MAGEB18: variants seen among roughly 807,000 people sequenced by gnomAD.
MAGEB18 encodes MAGE family member B18, also known as melanoma-associated antigen B18.
MAGEB18 carries 6 observed loss-of-function variants against 6.3 expected under a neutral mutation model. The observed-to-expected ratio is 0.95, with a 90% CI of 0.52 to 1.87. MAGEB18 has a LOEUF of 1.87. Ranked by LOEUF, MAGEB18 falls within the 40% of genes most tolerant of loss-of-function variation. The pLI, the probability that MAGEB18 is intolerant of heterozygous loss-of-function variation, is 0.01. For synonymous variants in MAGEB18, 93 were observed against 97.0 expected (o/e 0.96, Z 0.24); for missense variants, 228 against 265.4 (o/e 0.86, Z 0.98).
chrX:26,140,158 T>G, intron 2 of MAGEB18, 22 bp from the exon 3 acceptor site: 1 of 554,609 alleles, frequency 1.8e-6, no homozygotes, highest in East Asian at 3.7e-5. Flanking sequence ...GTTTTACTTT[T>G]CCATCTTTTT....
chrX:26,139,141 G>T lies in MAGEB18; in HGVS notation c.156G>T (p.Leu52Phe). Residue 52 changes from leucine to phenylalanine, a missense_variant, in exon 2 of 3, where the codon TTG becomes TTT. Leu to Phe is a conservative substitution (Grantham distance 22). Transcript: ENST00000325250. ...TCTTTGGTGACAGACCCCAGAATTT[G>T]CCTGCTGCTGAGACACCTAGCATCC... Reference protein sequence around the residue: ...YLLFGDRPQNLPAAETPSIPE... With the variant: ...YLLFGDRPQNFPAAETPSIPE... 1 of 1,210,912 alleles carries T rather than the reference G, an allele frequency of 8.3e-7. No individual in the cohort carries two copies. Among genetic ancestry groups the T allele is most frequent in the Non-Finnish European group, 1.1e-6 (1 of 895,392 alleles).
In MAGEB18 at chrX:26,138,351, C is replaced by A. The variant is rs1425763347; in HGVS notation, c.-179C>A. The A allele has an allele frequency of 8.9e-6, 1 of 112,082 alleles. No homozygotes were observed. The highest frequency in any genetic ancestry group is 1.9e-5 in the Non-Finnish European group (1 of 53,241). 9.2% of individuals were successfully genotyped at this position (112,082 alleles called of 1,213,427 possible). On this transcript the variant is annotated 5_prime_UTR_variant, in exon 1 of 3. Coordinates refer to ENST00000325250, the MANE Select transcript of MAGEB18 (RefSeq NM_173699.4). ...CGTTAAGCTGGGAGAGCAAAGTGGG[C>A]GTGGCCGGACATGTTTCTCTTGACC...
rs1928424567 is a variant in MAGEB18, at chrX:26,139,396, T to C, written c.411T>C (p.Val137=). 1.7e-6 allele frequency: 2 copies of C among 1,191,855 alleles called. No individual in the cohort carries two copies. The highest frequency in any genetic ancestry group is 2.3e-4 in the Middle Eastern group (1 of 4,350). ...CAAAGGGAGATATGATAAAGTTTGTTATCAGGAAGGATAAGTGTCACTTCA... is the reference window on the plus strand; with the variant it reads ...CAAAGGGAGATATGATAAAGTTTGTCATCAGGAAGGATAAGTGTCACTTCA... ...PITKGDMIKF[V]IRKDKCHFNE... The change falls in exon 2 of 3, where the codon GTT becomes GTC. Residue 137 remains valine, a synonymous_variant. Coordinates refer to ENST00000325250, the MANE Select transcript of MAGEB18 (RefSeq NM_173699.4).
chrX:26,138,899 C>A, intron 1 of MAGEB18, 25 bp from the exon 2 acceptor site: 1 of 775,397 alleles, frequency 1.3e-6, no homozygotes, highest in Non-Finnish European at 1.8e-6. Flanking sequence ...AGGCTGTGAA[C>A]ACTATCTCAT....
At position 26,140,407 on chromosome X, in the gene MAGEB18, A is replaced by T. The variant is rs181160163; in HGVS notation, c.*264A>T. 860 of 128,082 alleles carry T rather than the reference A, an allele frequency of 6.7e-3. 2 individuals are homozygous for T. Among genetic ancestry groups the T allele is most frequent in the Non-Finnish European group, 0.01 (660 of 64,093 alleles). 10.6% of individuals were successfully genotyped at this position (128,082 alleles called of 1,213,427 possible). On this transcript the variant is annotated 3_prime_UTR_variant, in exon 3 of 3. Coordinates refer to ENST00000325250, the MANE Select transcript of MAGEB18 (RefSeq NM_173699.4). ...AATAGAAGTTTTAGATAACTTCAGA[A>T]TCTATATTTATTAATGACTTTGGTT... is the stretch of plus-strand genomic sequence containing the variant.
rs931604966 is a variant in MAGEB18 at position 26,140,043 on chromosome X, T to C, written c.*26T>C. On this transcript the variant is annotated 3_prime_UTR_variant, in exon 2 of 3. Transcript: ENST00000325250. ...AATCTGAGGCTTGTTCTTCACTTTTTGGTCGAAAAGGTCTGTCAACATTCT... is the reference window on the plus strand; with the variant it reads ...AATCTGAGGCTTGTTCTTCACTTTTCGGTCGAAAAGGTCTGTCAACATTCT... 1 of 1,137,120 alleles carries C rather than the reference T, an allele frequency of 8.8e-7. No homozygotes were observed. The highest frequency in any genetic ancestry group is 2.8e-5 in the Admixed American group (1 of 35,708). The allele number at this position is 1,137,120 out of a possible 1,213,427, so 93.7% of individuals were successfully genotyped here. A position where few individuals can be genotyped will look rare whatever the true frequency, so the allele number is the denominator to read the frequency against.
At position 26,139,827 on chromosome X, in the gene MAGEB18, A is replaced by G. The variant is rs750714992; in HGVS notation, c.842A>G (p.Lys281Arg). 1 of 1,211,761 alleles carries G rather than the reference A, an allele frequency of 8.3e-7. No individual in the cohort carries two copies. Among genetic ancestry groups the G allele is most frequent in the Non-Finnish European group, 1.1e-6 (1 of 895,492 alleles). ...WGPRAHAETS[K>R]MKVLEFVAKI... Reference sequence around the variant, plus strand: ...CCAAGAGCTCACGCTGAAACTAGCAAGATGAAAGTCCTGGAGTTTGTAGCC... The same window carrying G: ...CCAAGAGCTCACGCTGAAACTAGCAGGATGAAAGTCCTGGAGTTTGTAGCC... The change falls in exon 2 of 3, where the codon AAG (lysine) becomes AGG (arginine). Residue 281 changes from lysine (K) to arginine (R), a missense_variant. Coordinates refer to ENST00000325250, the MANE Select transcript of MAGEB18 (RefSeq NM_173699.4).
chrX:26,139,508 G>A lies in MAGEB18; in HGVS notation c.523G>A (p.Ala175Thr), dbSNP rs776553404. The A allele has an allele frequency of 2.5e-6, 3 of 1,207,879 alleles. No individual in the cohort carries two copies. The African/African-American group carries it at 5.2e-5, about 21-fold the overall frequency. The change falls in exon 2 of 3, where the codon GCC (alanine) becomes ACC (threonine). Residue 175 changes from alanine to threonine, a missense_variant. Physicochemically the swap from Ala to Thr is moderately conservative, Grantham distance 58. Transcript: ENST00000325250. ...AGTGGATCCCATCAGGCACTACTATGCCTTTTTCAGCAAATTAGACCTCAC... is the reference window on the plus strand; with the variant it reads ...AGTGGATCCCATCAGGCACTACTATACCTTTTTCAGCAAATTAGACCTCAC... Reference protein sequence around the residue: ...KEVDPIRHYYAFFSKLDLTYD... With the variant: ...KEVDPIRHYYTFFSKLDLTYD...
In MAGEB18 at chrX:26,139,613, A is replaced by C. The variant is rs756753164; in HGVS notation, c.628A>C (p.Asn210His). The C allele has an allele frequency of 8.3e-7, 1 of 1,208,019 alleles. No individual in the cohort carries two copies. The change falls in exon 2 of 3, where the codon AAT becomes CAT. Residue 210 changes from asparagine (N) to histidine (H), a missense_variant. By Grantham distance (68) the Asn-to-His change is moderately conservative (BLOSUM62 1). Transcript: ENST00000325250. Reference sequence around the variant, plus strand: ...GATTGCACTGGGTGTGATCTTTCTGAATGGCAACCGTGCCCCAGAAGAGGC... The same window carrying C: ...GATTGCACTGGGTGTGATCTTTCTGCATGGCAACCGTGCCCCAGAAGAGGC... ...LMIALGVIFL[N>H]GNRAPEEAVW...
rs1928438609 is a variant in MAGEB18 at position 26,140,065 on chromosome X, T to G, written c.*36+12T>G. 6.6e-6 allele frequency: 7 copies of G among 1,060,494 alleles called. No individual in the cohort carries two copies. The highest frequency in any genetic ancestry group is 8.8e-6 in the Non-Finnish European group (7 of 798,660). 87.4% of individuals were successfully genotyped at this position (1,060,494 alleles called of 1,213,427 possible). A position where few individuals can be genotyped will look rare whatever the true frequency, so the allele number is the denominator to read the frequency against. ...TTTTGGTCGAAAAGGTCTGTCAACA[T>G]TCTAATAGTGGAGGGCCATGGTGGG... On this transcript the variant is annotated intron_variant, in intron 2 of 2. Coordinates refer to ENST00000325250, the MANE Select transcript of MAGEB18 (RefSeq NM_173699.4).
chrX:26,139,276 G>A lies in MAGEB18; in HGVS notation c.291G>A (p.Arg97=). ...ATGAGAAAAGTCTAGGTTCCTCAAG[G>A]GAAGCTGAGGGCTGGAAAGAAGATC... ...SQDEKSLGSS[R]EAEGWKEDPL... is the part of the protein sequence containing the mutation. Residue 97 remains arginine (R), a synonymous_variant, in exon 2 of 3, where the codon AGG becomes AGA. Coordinates refer to ENST00000325250, the MANE Select transcript of MAGEB18 (RefSeq NM_173699.4). 2 of 1,211,256 alleles carry A rather than the reference G, an allele frequency of 1.7e-6. No individual in the cohort carries two copies. Among genetic ancestry groups the A allele is most frequent in the Non-Finnish European group, 2.2e-6 (2 of 895,260 alleles).
At position 26,139,212 on chromosome X, in the gene MAGEB18, C is replaced by G; in HGVS notation, c.227C>G (p.Pro76Arg). Reference protein sequence around the residue: ...GAPSTTNAIAPVSCSSNEGAS... With the variant: ...GAPSTTNAIARVSCSSNEGAS... The stretch of plus-strand genomic sequence containing the variant: ...CCATCCACCACCAATGCTATTGCAC[C>G]TGTTTCATGCAGTTCAAATGAAGGT... Residue 76 changes from proline (P) to arginine (R), a missense_variant, in exon 2 of 3, where the codon CCT (proline) becomes CGT (arginine). Pro to Arg is a moderately radical substitution (Grantham distance 103). Transcript: ENST00000325250. 1 of 1,211,349 alleles carries G rather than the reference C, an allele frequency of 8.3e-7. No homozygotes were observed. The highest frequency in any genetic ancestry group is 1.1e-6 in the Non-Finnish European group (1 of 895,388).
At position 26,139,032 on chromosome X, in the gene MAGEB18, A is replaced by G; in HGVS notation, c.47A>G (p.His16Arg). ...KSKLRAREKRHQARCENQDLG... is the reference protein window; with the variant it reads ...KSKLRAREKRRQARCENQDLG... Reference sequence around the variant, plus strand: ...AAGCTCCGTGCCCGTGAGAAACGCCACCAGGCTCGTTGTGAGAATCAGGAT... The same window carrying G: ...AAGCTCCGTGCCCGTGAGAAACGCCGCCAGGCTCGTTGTGAGAATCAGGAT... The change falls in exon 2 of 3, where the codon CAC becomes CGC. Residue 16 changes from histidine (H) to arginine (R), a missense_variant. Physicochemically the swap from His to Arg is conservative, Grantham distance 29. Transcript: ENST00000325250. The G allele has an allele frequency of 8.3e-7, 1 of 1,209,970 alleles. No individual in the cohort carries two copies. Among genetic ancestry groups the G allele is most frequent in the Non-Finnish European group, 1.1e-6 (1 of 894,970 alleles).
Position 26,139,313 on chromosome X carries a change from AAAG to A in MAGEB18, c.329_331del (p.Lys110_Val111delinsIle). The A allele has an allele frequency of 8.3e-7, 1 of 1,209,070 alleles. No individual in the cohort carries two copies. Among genetic ancestry groups the A allele is most frequent in the Non-Finnish European group, 1.1e-6 (1 of 893,961 alleles). ...CTGGAAAGAAGATCCTTTAAACAAG[AAAG>A]TAGTGTCGCTGGTGCATTTCTTGCT... is the stretch of plus-strand genomic sequence containing the variant. On this transcript the variant is annotated inframe_deletion, in exon 2 of 3. Transcript: ENST00000325250.
chrX:26,139,889 T>C lies in MAGEB18; in HGVS notation c.904T>C (p.Cys302Arg). Residue 302 changes from cysteine (C) to arginine (R), a missense_variant, in exon 2 of 3, where the codon TGC becomes CGC. Transcript: ENST00000325250. ...TACCGTCCCTAGTGCCTTCCCATCCTGCTATGAAGAGGCTTTGAGGGATGA... is the reference window on the plus strand; with the variant it reads ...TACCGTCCCTAGTGCCTTCCCATCCCGCTATGAAGAGGCTTTGAGGGATGA... ...HDTVPSAFPS[C>R]YEEALRDEEQ... The C allele has an allele frequency of 8.3e-7, 1 of 1,209,959 alleles. No individual in the cohort carries two copies. The highest frequency in any genetic ancestry group is 2.2e-5 in the Admixed American group (1 of 45,808).
chrX:26,138,916 T>G lies in MAGEB18; in HGVS notation c.-62-8T>G. The G allele has an allele frequency of 1.1e-6, 1 of 910,544 alleles. No individual in the cohort carries two copies. The highest frequency in any genetic ancestry group is 1.5e-6 in the Non-Finnish European group (1 of 657,933). 75.0% of individuals were successfully genotyped at this position (910,544 alleles called of 1,213,427 possible). A position where few individuals can be genotyped will look rare whatever the true frequency, so the allele number is the denominator to read the frequency against. ...GCTGTGAACACTATCTCATCCTCCG[T>G]CTTCTAGGGTGCCCTCTTCATCAAT... On this transcript the variant is annotated splice_region_variant and splice_polypyrimidine_tract_variant and intron_variant, in intron 1 of 2. Coordinates refer to ENST00000325250, the MANE Select transcript of MAGEB18 (RefSeq NM_173699.4).
At position 26,139,041 on chromosome X, in the gene MAGEB18, G is replaced by A. The variant is rs1190740592; in HGVS notation, c.56G>A (p.Arg19His). The change falls in exon 2 of 3, where the codon CGT becomes CAT. Residue 19 changes from arginine to histidine, a missense_variant. Coordinates refer to ENST00000325250, the MANE Select transcript of MAGEB18 (RefSeq NM_173699.4). ...GCCCGTGAGAAACGCCACCAGGCTC[G>A]TTGTGAGAATCAGGATCTGGGAGCT... ...LRAREKRHQA[R>H]CENQDLGATQ... 1.7e-5 allele frequency: 21 copies of A among 1,208,401 alleles called. No homozygotes were observed. Among genetic ancestry groups the A allele is most frequent in the Admixed American group, 6.6e-5 (3 of 45,423 alleles).
At position 26,138,957 on chromosome X, in the gene MAGEB18, A is replaced by G; in HGVS notation, c.-29A>G. On this transcript the variant is annotated 5_prime_UTR_variant, in exon 2 of 3. Transcript: ENST00000325250. ...CTTCATCAATTCAACTGCCTGCACT[A>G]TTGTCTGTAGTCCCTGACAAGAGTA... The G allele has an allele frequency of 1.1e-5, 13 of 1,151,048 alleles. No individual in the cohort carries two copies. The highest frequency in any genetic ancestry group is 2.0e-5 in the South Asian group (1 of 49,238). 94.9% of individuals were successfully genotyped at this position (1,151,048 alleles called of 1,213,427 possible).
Position 26,138,912 on chromosome X carries a change from T to A in MAGEB18, c.-62-12T>A. On this transcript the variant is annotated splice_polypyrimidine_tract_variant and intron_variant, in intron 1 of 2. Transcript: ENST00000325250. Reference sequence around the variant, plus strand: ...CAAGGCTGTGAACACTATCTCATCCTCCGTCTTCTAGGGTGCCCTCTTCAT... The same window carrying A: ...CAAGGCTGTGAACACTATCTCATCCACCGTCTTCTAGGGTGCCCTCTTCAT... 1 of 879,956 alleles carries A rather than the reference T, an allele frequency of 1.1e-6. No individual in the cohort carries two copies. Among genetic ancestry groups the A allele is most frequent in the Non-Finnish European group, 1.6e-6 (1 of 632,172 alleles). 72.5% of individuals were successfully genotyped at this position (879,956 alleles called of 1,213,427 possible).
Sources: gnomAD v4.1 joint callset for allele counts on GRCh38, gnomAD v4.1.1 for gene constraint, MANE v1.5 for transcripts, NCBI Gene and HGNC (gene_info 2026-07-23, HGNC 2026-07-21) for gene names.